LRP1B: variants seen among roughly 807,000 people sequenced by gnomAD.
LRP1B encodes the protein low-density lipoprotein receptor-related protein 1B.
Under a neutral mutation model 556.6 loss-of-function variants are expected in LRP1B, and 217 were observed. The observed-to-expected ratio is 0.39, with a 90% CI of 0.35 to 0.44. LRP1B has a LOEUF of 0.44. Ranked by LOEUF, LRP1B falls within the 20% of genes least tolerant of loss-of-function variation. The pLI, the probability that LRP1B is intolerant of heterozygous loss-of-function variation, is 1.00. For missense variants in LRP1B, 5,053 were observed against 5,620.8 expected (o/e 0.90, Z 3.23); for synonymous variants, 2,047 against 1,865.8 (o/e 1.10, Z -2.50).
intron 7 of LRP1B, among the ~76,000 whole-genome samples, chr2:141,175,816 A>G (rs147735555): frequency 6.6e-6 from 1 of 152,252 alleles, no homozygotes; most frequent in African/African-American, 2.4e-5. Context: ...GGCATTCAAC[A>G]ACAACCCATG....
chr2:140,752,414 T>C (rs1294090378), intron 35 of LRP1B, among the ~76,000 whole-genome samples: 1 of 148,590 alleles, frequency 6.7e-6, no homozygotes, highest in African/African-American at 2.5e-5. Flanking sequence ...AAACTTCACC[T>C]CCCAGATTCA....
intron 16 of LRP1B, among the ~76,000 whole-genome samples, chr2:140,991,558 G>A (rs888236381): frequency 6.6e-6 from 1 of 152,056 alleles, no homozygotes; most frequent in Non-Finnish European, 1.5e-5. Flanking sequence ...CAGGCACTGT[G>A]CTAGACCGAG....
At position 141,573,657 on chromosome 2, in the gene LRP1B, A is replaced by C. The variant is rs570635058; in HGVS notation, c.206-93124T>G. On this transcript the variant is annotated intron_variant, in intron 2 of 90. Coordinates refer to ENST00000389484, the MANE Select transcript of LRP1B (RefSeq NM_018557.3). ...CTCCAAAAAAAAAAAAAATCAATGA[A>C]TCCAAGGGCTGGGTTTTGAAAAAAA... Among the ~76,000 whole-genome samples, 69 of 151,784 alleles carry C rather than the reference A, an allele frequency of 4.5e-4. No homozygotes were observed. The East Asian group carries it at 0.012, about 27-fold the overall frequency.
At chr2:140,625,151 T>C (rs1422714981) in intron 41 of LRP1B, among the ~76,000 whole-genome samples, 1 of 152,136 alleles carries the variant, frequency 6.6e-6, no homozygotes, top group African/African-American at 2.4e-5. Flanking sequence ...ATCTAACTAC[T>C]CTGGAGAAGG....
At chr2:140,970,124 A>T (rs1021128415) in intron 18 of LRP1B, among the ~76,000 whole-genome samples, 1 of 152,070 alleles carries the variant, frequency 6.6e-6, no homozygotes, top group African/African-American at 2.4e-5. Flanking sequence ...GTGTTTTCCA[A>T]CCTGGTTCCA....
intron 3 of LRP1B, among the ~76,000 whole-genome samples, chr2:141,294,106 G>T (rs1391034877): frequency 2.0e-5 from 3 of 151,984 alleles, no homozygotes; most frequent in Non-Finnish European, 2.9e-5. Context: ...GACTAAACAG[G>T]TAAAGACCAA....
chr2:142,045,594 T>C (rs141538672), intron 1 of LRP1B, among the ~76,000 whole-genome samples: 675 of 152,016 alleles, frequency 4.4e-3, no homozygotes, highest in Middle Eastern at 0.01. Flanking sequence ...GGAACAATTT[T>C]ACATATTACT....
intron 1 of LRP1B, among the ~76,000 whole-genome samples, chr2:142,127,052 T>C (rs545924788): frequency 2.0e-5 from 3 of 151,422 alleles, no homozygotes; most frequent in Non-Finnish European, 4.4e-5. Context: ...ATTAACCATA[T>C]CACTCATCTA....
intron 20 of LRP1B, among the ~76,000 whole-genome samples, chr2:140,925,870 G>C (rs1694868822): frequency 6.6e-6 from 1 of 152,094 alleles, no homozygotes; most frequent in African/African-American, 2.4e-5. Context: ...CTTTTATAAA[G>C]ATCAAAGCAG....
rs114906821 is a variant in LRP1B at position 140,513,956 on chromosome 2, G to A, written c.8269+697C>T. ...TATAAAAATAGTGAAATTCTTGGCC[G>A]GTAAGAACAAATTTTAAAGACTAGC... On this transcript the variant is annotated intron_variant, in intron 51 of 90. Coordinates refer to ENST00000389484, the MANE Select transcript of LRP1B (RefSeq NM_018557.3). Among the ~76,000 whole-genome samples the A allele has an allele frequency of 1.8e-3, 267 of 151,986 alleles. 2 individuals carry two copies. Among genetic ancestry groups the A allele is most frequent in the Admixed American group, 3.8e-3 (58 of 15,272 alleles).
chr2:141,822,124 C>CAGAGAGAGAGAGAGAGAGAGAG (rs1390471936), intron 1 of LRP1B, among the ~76,000 whole-genome samples: 6 of 111,866 alleles, frequency 5.4e-5, no homozygotes, highest in Non-Finnish European at 8.8e-5. Context: ...CACACACACA[C>CAGAGAGAGAGAGAGAGAGAGAG]ACACACAGAG....
chr2:140,868,807 C>T (rs1486859468), intron 25 of LRP1B, among the ~76,000 whole-genome samples: 1 of 152,018 alleles, frequency 6.6e-6, no homozygotes, highest in African/African-American at 2.4e-5. Flanking sequence ...ATAAGAAGTG[C>T]ATAGGCCTTT....
chr2:141,265,047 C>T (rs73962892), intron 3 of LRP1B, among the ~76,000 whole-genome samples: 1,875 of 152,232 alleles, frequency 0.012, 34 homozygotes, highest in African/African-American at 0.043. Context: ...GCACCTCCAT[C>T]GGGCACCGAG....
At chr2:141,051,439 T>C (rs1323074627) in intron 10 of LRP1B, among the ~76,000 whole-genome samples, 1 of 152,052 alleles carries the variant, frequency 6.6e-6, no homozygotes, top group Non-Finnish European at 1.5e-5. Flanking sequence ...TGGAATACTA[T>C]GCAGCCATAA....
At chr2:141,687,586 G>T (rs1434946971) in intron 2 of LRP1B, among the ~76,000 whole-genome samples, 1 of 151,796 alleles carries the variant, frequency 6.6e-6, no homozygotes, top group African/African-American at 2.4e-5. Context: ...GTTTTGTTTT[G>T]GTTTTTATTA....
At chr2:140,789,663 C>G (rs1690039954) in intron 32 of LRP1B, among the ~76,000 whole-genome samples, 1 of 118,284 alleles carries the variant, frequency 8.5e-6, no homozygotes, top group African/African-American at 3.3e-5. Context: ...CGGAGTCTCG[C>G]TCTGTCGCCC....
In LRP1B at chr2:140,678,793, G is replaced by A. The variant is rs114094717; in HGVS notation, c.6799+21457C>T. On this transcript the variant is annotated intron_variant, in intron 41 of 90. Transcript: ENST00000389484. Reference sequence around the variant, plus strand: ...CCCTTTTTTTTTTTTTTTTGGTTGGGGGGGAATGGAGTCTCTCTCTGTCGC... The same window carrying A: ...CCCTTTTTTTTTTTTTTTTGGTTGGAGGGGAATGGAGTCTCTCTCTGTCGC... Among the ~76,000 whole-genome samples, 324 of 149,836 alleles carry A rather than the reference G, an allele frequency of 2.2e-3. 2 individuals carry two copies. Among genetic ancestry groups the A allele is most frequent in the African/African-American group, 7.2e-3 (294 of 40,644 alleles).
At chr2:140,684,711 T>G (rs1685987397) in intron 41 of LRP1B, among the ~76,000 whole-genome samples, 1 of 152,166 alleles carries the variant, frequency 6.6e-6, no homozygotes, top group African/African-American at 2.4e-5. Flanking sequence ...GATATAGACA[T>G]TCTTGTATTT....
At chr2:141,037,183 C>T (rs1298229079) in intron 11 of LRP1B, among the ~76,000 whole-genome samples, 2 of 151,968 alleles carry the variant, frequency 1.3e-5, no homozygotes, top group African/African-American at 2.4e-5. Context: ...CCAGGTCCCA[C>T]GCTAAGCACA....
Sources: allele counts gnomAD v4.1 joint callset (sites outside exome capture counted in the v4.1 genomes callset), GRCh38; gene constraint gnomAD v4.1.1; transcripts MANE v1.5; gene names NCBI Gene and HGNC (gene_info 2026-07-23, HGNC 2026-07-21).